Variants in GRM8 observed in about 807,000 individuals in gnomAD.
The protein encoded by GRM8 is glutamate metabotropic receptor 8, also known as metabotropic glutamate receptor 8.
Under a neutral mutation model 87.2 loss-of-function variants are expected in GRM8, and 47 were observed. The ratio of observed to expected loss-of-function variants is 0.54; its 90% CI spans 0.43 to 0.69. The LOEUF is 0.69. Among genes scored for constraint, GRM8 ranks in the 30% least tolerant of loss-of-function variants. The probability of loss-of-function intolerance (pLI) is 0.00; values close to 1 mark genes in which losing one functional copy is unlikely to be tolerated. For missense variants in GRM8, 1,019 were observed against 1,139.2 expected (o/e 0.89, Z 1.52); for synonymous variants, 396 against 404.5 (o/e 0.98, Z 0.25).
At chr7:126,871,102 C>T (rs1799057936) in intron 6 of GRM8, among the ~76,000 whole-genome samples, 1 of 152,074 alleles carries the variant, frequency 6.6e-6, no homozygotes, top group South Asian at 2.1e-4. Context: ...GAAATGTCTT[C>T]TGAAAATGAC....
chr7:126,460,561 A>G (rs1803784354), intron 9 of GRM8, among the ~76,000 whole-genome samples: 2 of 151,606 alleles, frequency 1.3e-5, no homozygotes, highest in African/African-American at 4.8e-5. Flanking sequence ...CTTCTTGCAC[A>G]TTATTCCATA....
chr7:126,914,814 C>T (rs1249277622), intron 3 of GRM8, among the ~76,000 whole-genome samples: 4 of 152,150 alleles, frequency 2.6e-5, no homozygotes, highest in Non-Finnish European at 4.4e-5. Context: ...CTATTGGGTA[C>T]TATGTTCATC....
intron 2 of GRM8, among the ~76,000 whole-genome samples, chr7:127,226,162 A>G (rs1471158386): frequency 6.6e-6 from 1 of 152,204 alleles, no homozygotes; most frequent in East Asian, 1.9e-4. Flanking sequence ...TCTCTTTTCA[A>G]ATTAGCACAA....
Position 126,794,181 on chromosome 7 carries a change from GC to G in GRM8, c.1157-24117del, listed in dbSNP as rs756098626. Among the ~76,000 whole-genome samples the G allele has an allele frequency of 2.0e-5, 3 of 151,486 alleles. No individual in the cohort carries two copies. The East Asian group carries it at 5.8e-4, about 29-fold the overall frequency. On this transcript the variant is annotated intron_variant, in intron 6 of 10. Coordinates refer to ENST00000339582, the MANE Select transcript of GRM8 (RefSeq NM_000845.3). ...CATAAAAAATAAAATAAAAAAAAAA[GC>G]CCTTAGCACTAGCAGTGTCAATTAT... is the stretch of plus-strand genomic sequence containing the variant.
chr7:126,693,156 G>A (rs554670245), intron 7 of GRM8, among the ~76,000 whole-genome samples: 1 of 152,170 alleles, frequency 6.6e-6, no homozygotes, highest in Non-Finnish European at 1.5e-5. Context: ...ATGGCAAGAC[G>A]GGAAACCAAA....
chr7:126,776,065 CTAGAT>C (rs1170418199), intron 6 of GRM8, among the ~76,000 whole-genome samples: 1 of 152,136 alleles, frequency 6.6e-6, no homozygotes, highest in African/African-American at 2.4e-5. Flanking sequence ...CAAACTTCGC[CTAGAT>C]TAGATCATCG....
intron 8 of GRM8, among the ~76,000 whole-genome samples, chr7:126,540,711 T>TATATATAAC (rs1816435093): frequency 6.6e-6 from 1 of 152,198 alleles, no homozygotes. Flanking sequence ...GTTTTTATTT[T>TATATATAAC]ATATATAACA....
At chr7:126,702,317 C>T (rs1810028531) in intron 7 of GRM8, among the ~76,000 whole-genome samples, 1 of 151,760 alleles carries the variant, frequency 6.6e-6, no homozygotes, top group Admixed American at 6.6e-5. Flanking sequence ...GAGGGGAGGC[C>T]TTCTGGCAGA....
At chr7:126,970,989 A>G (rs535563962) in intron 3 of GRM8, among the ~76,000 whole-genome samples, 1 of 152,174 alleles carries the variant, frequency 6.6e-6, no homozygotes, top group South Asian at 2.1e-4. Flanking sequence ...AACAATCACA[A>G]TAGTAACATC....
At chr7:126,607,613 C>A (rs974836365) in intron 8 of GRM8, among the ~76,000 whole-genome samples, 1 of 152,018 alleles carries the variant, frequency 6.6e-6, no homozygotes, top group Non-Finnish European at 1.5e-5. Context: ...CACATTAAAA[C>A]AACAGAACAG....
At chr7:126,942,139 A>C (rs1374192838) in intron 3 of GRM8, among the ~76,000 whole-genome samples, 2 of 151,578 alleles carry the variant, frequency 1.3e-5, no homozygotes, top group East Asian at 3.9e-4. Flanking sequence ...TGATTACATG[A>C]GCAAGCAAAT....
chr7:126,722,139 T>C (rs1232564483), intron 7 of GRM8, among the ~76,000 whole-genome samples: 1 of 152,142 alleles, frequency 6.6e-6, no homozygotes, highest in Non-Finnish European at 1.5e-5. Flanking sequence ...GTCATAAAAA[T>C]TTTTAATCTT....
chr7:127,094,355 T>C (rs1325128900), intron 3 of GRM8, among the ~76,000 whole-genome samples: 2 of 152,188 alleles, frequency 1.3e-5, no homozygotes, highest in Non-Finnish European at 2.9e-5. Flanking sequence ...AAGGCTCTGA[T>C]CACAGAAGCT....
intron 7 of GRM8, among the ~76,000 whole-genome samples, chr7:126,657,415 A>AC (rs769931895): frequency 1.1e-3 from 166 of 151,778 alleles, no homozygotes; most frequent in South Asian, 4.4e-3. Flanking sequence ...AGTAAAAACA[A>AC]CCCCCCCCCA....
At chr7:126,602,311 T>C (rs1473281128) in intron 8 of GRM8, among the ~76,000 whole-genome samples, 1 of 146,318 alleles carries the variant, frequency 6.8e-6, no homozygotes, top group African/African-American at 2.5e-5. Context: ...TTGGTAGCAG[T>C]ACCATGCTGT....
chr7:126,755,691 T>C (rs934030296), intron 7 of GRM8, among the ~76,000 whole-genome samples: 2 of 151,972 alleles, frequency 1.3e-5, no homozygotes, highest in Non-Finnish European at 2.9e-5. Context: ...AACCTTATAC[T>C]GATGTTTTTA....
intron 2 of GRM8, among the ~76,000 whole-genome samples, chr7:127,236,197 C>T (rs368214663): frequency 6.6e-6 from 1 of 152,162 alleles, no homozygotes; most frequent in African/African-American, 2.4e-5. Flanking sequence ...TTGAAATATA[C>T]ACGCAATTTC....
chr7:127,233,107 G>A (rs1009805180), intron 2 of GRM8, among the ~76,000 whole-genome samples: 11 of 152,152 alleles, frequency 7.2e-5, no homozygotes, highest in African/African-American at 2.2e-4. Context: ...TGAGATTACA[G>A]GTGTGAGCCA....
At chr7:126,611,796 C>T (rs865938021) in intron 7 of GRM8, among the ~76,000 whole-genome samples, 1 of 152,096 alleles carries the variant, frequency 6.6e-6, no homozygotes, top group South Asian at 2.1e-4. Context: ...ATACATAATT[C>T]CTAATGTGTT....
Sources: allele counts gnomAD v4.1 joint callset (sites outside exome capture counted in the v4.1 genomes callset), GRCh38; gene constraint gnomAD v4.1.1; transcripts MANE v1.5; gene names NCBI Gene and HGNC (gene_info 2026-07-23, HGNC 2026-07-21).